Variants in ALK observed in about 807,000 individuals in gnomAD.
The protein encoded by ALK is ALK tyrosine kinase receptor.
In ALK, 74 loss-of-function variants were observed where a neutral mutation model predicts 163.1. The ratio of observed to expected loss-of-function variants is 0.45; its 90% CI spans 0.38 to 0.55. The LOEUF (loss-of-function observed/expected upper bound fraction) is 0.55, where lower values mean the gene tolerates loss of function less well. ALK is among the 20% of genes least tolerant of loss of function. ALK has a pLI of 0.00. For missense variants in ALK, 2,063 were observed against 2,105.3 expected, an observed-to-expected ratio of 0.98 and a Z score of 0.39; for synonymous variants, 960 against 843.2, an observed-to-expected ratio of 1.14 and a Z score of -2.40.
chr2:29,745,228 AG>A (rs1208584375), intron 1 of ALK, among the ~76,000 whole-genome samples: 1 of 152,220 alleles, frequency 6.6e-6, no homozygotes, highest in Non-Finnish European at 1.5e-5. Flanking sequence ...ACTGAGACTC[AG>A]AGATCATCTA....
intron 1 of ALK, among the ~76,000 whole-genome samples, chr2:29,916,367 C>T (rs1314560760): frequency 1.3e-5 from 2 of 152,330 alleles, no homozygotes; most frequent in Middle Eastern, 3.4e-3. Context: ...TTCCCTTCAT[C>T]GCCATTTAGC....
At chr2:29,216,221 C>T (rs998801056) in intron 23 of ALK, among the ~76,000 whole-genome samples, 13 of 152,186 alleles carry the variant, frequency 8.5e-5, no homozygotes, top group African/African-American at 3.1e-4. Context: ...TTCTCATGGC[C>T]ATGGTCGTGG....
chr2:29,905,698 T>A (rs1315604207), intron 1 of ALK, among the ~76,000 whole-genome samples: 3 of 152,062 alleles, frequency 2.0e-5, no homozygotes, highest in Non-Finnish European at 4.4e-5. Flanking sequence ...CCAGCCACAG[T>A]GAAGCATTCT....
chr2:29,266,507 C>T (rs1343211924), intron 11 of ALK, among the ~76,000 whole-genome samples: 1 of 152,178 alleles, frequency 6.6e-6, no homozygotes, highest in Non-Finnish European at 1.5e-5. Flanking sequence ...ATGTTAATTA[C>T]AATGTCACAA....
intron 1 of ALK, among the ~76,000 whole-genome samples, chr2:29,847,993 C>G (rs1344012050): frequency 6.6e-6 from 1 of 152,010 alleles, no homozygotes; most frequent in Non-Finnish European, 1.5e-5. Context: ...AAAAAATAGG[C>G]CCAGCTAGGG....
At chr2:29,759,252 T>C (rs961737803) in intron 1 of ALK, among the ~76,000 whole-genome samples, 7 of 152,204 alleles carry the variant, frequency 4.6e-5, no homozygotes, top group Admixed American at 3.9e-4. Context: ...GTTTTCTGTC[T>C]GCCTTTCCGT....
At chr2:29,428,134 TAA>T (rs1290598460) in intron 4 of ALK, among the ~76,000 whole-genome samples, 3 of 151,972 alleles carry the variant, frequency 2.0e-5, no homozygotes, top group Admixed American at 2.0e-4. Context: ...AAACAGTGCT[TAA>T]AGAGAAATTT....
At chr2:29,215,583 G>A (rs971320888) in intron 23 of ALK, among the ~76,000 whole-genome samples, 3 of 152,306 alleles carry the variant, frequency 2.0e-5, no homozygotes, top group Admixed American at 6.5e-5. Context: ...GCTAATAAGC[G>A]TGGAGCCAAA....
intron 3 of ALK, among the ~76,000 whole-genome samples, chr2:29,598,446 C>T (rs1675279314): frequency 6.6e-6 from 1 of 152,156 alleles, no homozygotes; most frequent in South Asian, 2.1e-4. Context: ...AGAGGTGACA[C>T]TAAGGCATGG....
At chr2:29,330,899 A>G (rs1377605216) in intron 5 of ALK, among the ~76,000 whole-genome samples, 2 of 152,228 alleles carry the variant, frequency 1.3e-5, no homozygotes, top group African/African-American at 2.4e-5. Flanking sequence ...CCTGCCTGAC[A>G]TGACTTTAGT....
chr2:29,900,308 C>A (rs866249916), intron 1 of ALK, among the ~76,000 whole-genome samples: 3 of 151,928 alleles, frequency 2.0e-5, no homozygotes, highest in Non-Finnish European at 4.4e-5. Context: ...AACAGGGAGC[C>A]CTGGACACTC....
At chr2:29,207,983 C>T (rs1485150559) in intron 25 of ALK, 1 of 434,336 alleles carries the variant, frequency 2.3e-6, no homozygotes, top group East Asian at 7.2e-5. Context: ...TTCCTGCCAG[C>T]TGTCGACATT....
chr2:29,793,724 A>AT (rs1033087157), intron 1 of ALK, among the ~76,000 whole-genome samples: 2 of 152,122 alleles, frequency 1.3e-5, no homozygotes, highest in African/African-American at 4.8e-5. Context: ...AAAAGGAATC[A>AT]TTTTTTCTGA....
chr2:29,435,119 T>G (rs1156390969), intron 4 of ALK, among the ~76,000 whole-genome samples: 2 of 152,274 alleles, frequency 1.3e-5, no homozygotes, highest in Non-Finnish European at 2.9e-5. Flanking sequence ...CTCCTACCAG[T>G]GTATTTTTGG....
At chr2:29,518,930 T>C (rs976285943) in intron 4 of ALK, among the ~76,000 whole-genome samples, 2 of 152,224 alleles carry the variant, frequency 1.3e-5, no homozygotes, top group African/African-American at 4.8e-5. Flanking sequence ...TACTACTTCA[T>C]AGGGAAACTG....
chr2:29,743,761 CT>C (rs1032376756), intron 1 of ALK, among the ~76,000 whole-genome samples: 6 of 152,166 alleles, frequency 3.9e-5, no homozygotes, highest in African/African-American at 1.4e-4. Context: ...TTTGTTTAAA[CT>C]TTAAGAGAAC....
chr2:29,435,143 A>C (rs76961292), intron 4 of ALK, among the ~76,000 whole-genome samples: 1,998 of 152,198 alleles, frequency 0.013, 48 homozygotes, highest in African/African-American at 0.045. Context: ...TTTACCCAAA[A>C]CGCGGTGGAA....
At chr2:29,477,567 G>A (rs1257821996) in intron 4 of ALK, among the ~76,000 whole-genome samples, 3 of 152,070 alleles carry the variant, frequency 2.0e-5, no homozygotes, top group Non-Finnish European at 2.9e-5. Context: ...ACCCAGAGTT[G>A]GTCCCAGATT....
chr2:29,771,014 C>CAGAA lies in ALK; in HGVS notation c.668-53318_668-53317insTTCT, dbSNP rs34973236. ...ACAGACACACACATGCACACATACA[C>CAGAA]AAATACACACAAACACAAACACATA... On this transcript the variant is annotated intron_variant, in intron 1 of 28. Transcript: ENST00000389048. Among the ~76,000 whole-genome samples, 1,111 of 151,868 alleles carry CAGAA rather than the reference C, an allele frequency of 7.3e-3. 10 individuals are homozygous for CAGAA. The highest frequency in any genetic ancestry group is 0.043 in the South Asian group (209 of 4,806).
Sources: allele counts gnomAD v4.1 joint callset (sites outside exome capture counted in the v4.1 genomes callset), GRCh38; gene constraint gnomAD v4.1.1; transcripts MANE v1.5; gene names NCBI Gene and HGNC (gene_info 2026-07-23, HGNC 2026-07-21).